Variants in ZSWIM6 observed in about 807,000 individuals in gnomAD.
ZSWIM6 encodes zinc finger SWIM-type containing 6.
A neutral mutation model predicts 113.2 loss-of-function variants in ZSWIM6; 9 were observed. That is an observed-to-expected ratio of 0.08 (90% confidence interval 0.05 to 0.14). ZSWIM6 has a LOEUF of 0.14. ZSWIM6 is among the 10% of genes least tolerant of loss of function. The pLI, the probability that ZSWIM6 is intolerant of heterozygous loss-of-function variation, is 1.00. For missense variants in ZSWIM6, 1,162 were observed against 1,552.2 expected (o/e 0.75, Z 4.22); for synonymous variants, 611 against 606.5 (o/e 1.01, Z -0.11).
chr5:61,340,739 C>G (rs900641958), intron 1 of ZSWIM6, among the ~76,000 whole-genome samples: 2 of 152,016 alleles, frequency 1.3e-5, no homozygotes, highest in Non-Finnish European at 2.9e-5. Context: ...TCTCTGAAAT[C>G]AAGCATATTC....
At chr5:61,501,455 T>G (rs978882241) in intron 4 of ZSWIM6, among the ~76,000 whole-genome samples, 2 of 152,174 alleles carry the variant, frequency 1.3e-5, no homozygotes, top group Admixed American at 6.5e-5. Flanking sequence ...GAGAAAAACT[T>G]TAAAATACGA....
intron 1 of ZSWIM6, among the ~76,000 whole-genome samples, chr5:61,337,198 G>T (rs557293920): frequency 6.6e-6 from 1 of 152,212 alleles, no homozygotes; most frequent in East Asian, 1.9e-4. Context: ...AGAATCGTTT[G>T]AACCCGGGAA....
chr5:61,502,790 T>C (rs2112232230), intron 4 of ZSWIM6, among the ~76,000 whole-genome samples: 1 of 152,278 alleles, frequency 6.6e-6, no homozygotes, highest in South Asian at 2.1e-4. Flanking sequence ...ACAAACCCTG[T>C]TGTGAGCTGC....
chr5:61,333,003 G>GA, intron 1 of ZSWIM6, 55 bp downstream of exon 1: 8 of 968,182 alleles, frequency 8.3e-6, no homozygotes, highest in Non-Finnish European at 9.2e-6. Flanking sequence ...CCTGGGTGGG[G>GA]GGGGGGTGCC....
At chr5:61,466,210 T>G (rs927702596) in intron 1 of ZSWIM6, among the ~76,000 whole-genome samples, 2 of 152,180 alleles carry the variant, frequency 1.3e-5, no homozygotes, top group African/African-American at 4.8e-5. Context: ...GTAAAAGGGT[T>G]TTTTTGGGCA....
At chr5:61,517,332 T>C (rs554139592) in intron 4 of ZSWIM6, among the ~76,000 whole-genome samples, 2 of 152,258 alleles carry the variant, frequency 1.3e-5, no homozygotes, top group Admixed American at 1.3e-4. Flanking sequence ...TGTTTTTCTC[T>C]CTTTTCTTCA....
At chr5:61,393,724 C>T (rs555546746) in intron 1 of ZSWIM6, among the ~76,000 whole-genome samples, 163 of 113,522 alleles carry the variant, frequency 1.4e-3, no homozygotes, top group African/African-American at 5.1e-3. Flanking sequence ...GGTGACAGAG[C>T]GAAACTATCT....
intron 1 of ZSWIM6, among the ~76,000 whole-genome samples, chr5:61,342,552 A>G (rs1446864304): frequency 1.3e-5 from 2 of 152,214 alleles, no homozygotes; most frequent in African/African-American, 4.8e-5. Flanking sequence ...GTGCTCAAGC[A>G]ATACTGTCCA....
intron 1 of ZSWIM6, among the ~76,000 whole-genome samples, chr5:61,464,873 T>C (rs1477355): frequency 0.39 from 59,378 of 152,118 alleles, 11,765 homozygotes; most frequent in South Asian, 0.45. Context: ...GGAGGCAAGA[T>C]AAAGTACGCA....
intron 1 of ZSWIM6, among the ~76,000 whole-genome samples, chr5:61,409,004 C>A (rs1746100327): frequency 1.4e-5 from 2 of 143,910 alleles, no homozygotes; most frequent in African/African-American, 2.6e-5. Flanking sequence ...CGGGGTGGCA[C>A]AAGATTTGCG....
intron 1 of ZSWIM6, among the ~76,000 whole-genome samples, chr5:61,457,775 G>A (rs1484297435): frequency 2.0e-5 from 3 of 152,004 alleles, no homozygotes; most frequent in East Asian, 1.9e-4. Context: ...CACAAGCCTC[G>A]GCCTCCTAAA....
chr5:61,444,933 G>T (rs959265593), intron 1 of ZSWIM6, among the ~76,000 whole-genome samples: 1 of 151,926 alleles, frequency 6.6e-6, no homozygotes, highest in Non-Finnish European at 1.5e-5. Flanking sequence ...TACCTTTTTC[G>T]GACCTACGAG....
intron 1 of ZSWIM6, among the ~76,000 whole-genome samples, chr5:61,412,287 A>G (rs1000989949): frequency 1.3e-5 from 2 of 152,230 alleles, no homozygotes; most frequent in Non-Finnish European, 2.9e-5. Flanking sequence ...TGCAACTACC[A>G]TAATTTAGAT....
chr5:61,498,183 A>T (rs1415192802), intron 4 of ZSWIM6, among the ~76,000 whole-genome samples: 2 of 152,206 alleles, frequency 1.3e-5, no homozygotes, highest in East Asian at 1.9e-4. Flanking sequence ...ACTTAATTAC[A>T]GTTTTATCAC....
At chr5:61,443,819 A>G (rs1329158060) in intron 1 of ZSWIM6, among the ~76,000 whole-genome samples, 1 of 152,218 alleles carries the variant, frequency 6.6e-6, no homozygotes, top group Non-Finnish European at 1.5e-5. Flanking sequence ...TTATCATTAC[A>G]TAAAAATTTT....
chr5:61,490,738 A>G, intron 2 of ZSWIM6, 48 bp from the exon 3 acceptor site: 1 of 1,523,504 alleles, frequency 6.6e-7, no homozygotes, highest in South Asian at 1.3e-5. Flanking sequence ...CTTTTAGCAC[A>G]GAGTTTTTAT....
chr5:61,443,240 C>T (rs1162920142), intron 1 of ZSWIM6, among the ~76,000 whole-genome samples: 1 of 152,126 alleles, frequency 6.6e-6, no homozygotes, highest in Non-Finnish European at 1.5e-5. Context: ...TTTGGAAAGC[C>T]ATAAATACAC....
At chr5:61,333,694 G>A (rs1744319936) in intron 1 of ZSWIM6, among the ~76,000 whole-genome samples, 1 of 152,110 alleles carries the variant, frequency 6.6e-6, no homozygotes, top group South Asian at 2.1e-4. Flanking sequence ...CATCTCGCCC[G>A]TAGGACGCTT....
intron 1 of ZSWIM6, chr5:61,375,385 CAGAGAA>C (rs1745350719): frequency 6.3e-7 from 1 of 1,576,200 alleles, no homozygotes; most frequent in African/African-American, 1.4e-5. Flanking sequence ...CAAAAAAAGA[CAGAGAA>C]AGAAAAAAGA....
Sources: allele counts gnomAD v4.1 joint callset (sites outside exome capture counted in the v4.1 genomes callset), GRCh38; gene constraint gnomAD v4.1.1; transcripts MANE v1.5; gene names NCBI Gene and HGNC (gene_info 2026-07-23, HGNC 2026-07-21).